Variants in SKAP2 observed in about 807,000 individuals in gnomAD.
SKAP2 encodes src kinase associated phosphoprotein 2.
Under a neutral mutation model 54.9 loss-of-function variants are expected in SKAP2, and 28 were observed. That is an observed-to-expected ratio of 0.51 (90% CI 0.38 to 0.70). The LOEUF (loss-of-function observed/expected upper bound fraction) is 0.70, where lower values mean the gene tolerates loss of function less well. Among genes scored for constraint, SKAP2 ranks in the 30% least tolerant of loss-of-function variants. The pLI is 0.00. For missense variants in SKAP2, 356 were observed against 424.1 expected (o/e 0.84, Z 1.41); for synonymous variants, 137 against 134.3 (o/e 1.02, Z -0.14).
At chr7:26,703,381 T>C (rs1207417386) in intron 9 of SKAP2, among the ~76,000 whole-genome samples, 1 of 152,258 alleles carries the variant, frequency 6.6e-6, no homozygotes, top group Non-Finnish European at 1.5e-5. Context: ...CTATCATTAT[T>C]TGAAGGTAAG....
At chr7:26,803,432 A>G (rs1329547382) in intron 4 of SKAP2, among the ~76,000 whole-genome samples, 1 of 152,244 alleles carries the variant, frequency 6.6e-6, no homozygotes, top group Non-Finnish European at 1.5e-5. Context: ...ATCTCACCCC[A>G]GTTAAAATGG....
At chr7:26,765,153 CTT>C (rs1484830449) in intron 4 of SKAP2, among the ~76,000 whole-genome samples, 1 of 76,010 alleles carries the variant, frequency 1.3e-5, no homozygotes, top group Non-Finnish European at 3.3e-5. Context: ...TGTTTCCTGA[CTT>C]TTTAATGATT....
intron 4 of SKAP2, among the ~76,000 whole-genome samples, chr7:26,814,764 A>T (rs886305918): frequency 6.6e-6 from 1 of 152,114 alleles, no homozygotes; most frequent in Non-Finnish European, 1.5e-5. Flanking sequence ...AAACTTTCTA[A>T]AAGACGTTTA....
Position 26,844,058 on chromosome 7 carries a change from A to G in SKAP2, c.279T>C (p.Tyr93=), listed in dbSNP as rs1396893668. The change falls in exon 4 of 13, where the codon TAT becomes TAC. Residue 93 remains tyrosine, a synonymous_variant. Coordinates refer to ENST00000345317, the MANE Select transcript of SKAP2 (RefSeq NM_003930.5). ...PDTISLASER[Y]DKDDEAPSDG... The stretch of plus-strand genomic sequence containing the variant: ...CAGAGGGGGCTTCATCGTCTTTATC[A>G]TATCGTTCTGAGGCTAATGAAATAG... 5.0e-6 allele frequency: 8 copies of G among 1,611,842 alleles called. No homozygotes were observed. Among genetic ancestry groups the G allele is most frequent in the African/African-American group, 2.7e-5 (2 of 74,832 alleles).
At chr7:26,686,279 C>T (rs1389036211) in intron 10 of SKAP2, among the ~76,000 whole-genome samples, 1 of 151,854 alleles carries the variant, frequency 6.6e-6, no homozygotes, top group Admixed American at 6.6e-5. Flanking sequence ...AGTAAAATCC[C>T]TCTATTAAAT....
chr7:26,692,872 A>C (rs1786814177), intron 9 of SKAP2, among the ~76,000 whole-genome samples: 1 of 152,186 alleles, frequency 6.6e-6, no homozygotes, highest in African/African-American at 2.4e-5. Flanking sequence ...TGAAGGAGAA[A>C]GCTTTCCTTA....
At chr7:26,816,373 C>G (rs989714665) in intron 4 of SKAP2, among the ~76,000 whole-genome samples, 2 of 152,002 alleles carry the variant, frequency 1.3e-5, no homozygotes, top group Admixed American at 1.3e-4. Context: ...GGCCTCCTAT[C>G]ACTTATGAAT....
At chr7:26,766,792 C>T (rs1397791852) in intron 4 of SKAP2, among the ~76,000 whole-genome samples, 4 of 152,164 alleles carry the variant, frequency 2.6e-5, no homozygotes, top group Admixed American at 6.5e-5. Flanking sequence ...ATATGTCAAA[C>T]CAGCCTTGCA....
At chr7:26,689,072 C>T (rs760703282) in intron 10 of SKAP2, among the ~76,000 whole-genome samples, 73 of 152,166 alleles carry the variant, frequency 4.8e-4, no homozygotes, top group Non-Finnish European at 8.7e-4. Context: ...TTTGTAGCAA[C>T]CTACTTCTGC....
chr7:26,678,779 T>C (rs1584325786), intron 11 of SKAP2, among the ~76,000 whole-genome samples: 1 of 152,162 alleles, frequency 6.6e-6, no homozygotes, highest in East Asian at 1.9e-4. Flanking sequence ...TCAATGAACA[T>C]CTGTCACTTA....
chr7:26,748,529 TG>T (rs1782606604), intron 4 of SKAP2, among the ~76,000 whole-genome samples: 2 of 152,120 alleles, frequency 1.3e-5, no homozygotes, highest in Admixed American at 6.6e-5. Flanking sequence ...AATCAAATTT[TG>T]CCTGCCACAT....
At chr7:26,662,704 G>C (rs1786034315), downstream of SKAP2, among the ~76,000 whole-genome samples, 1 of 152,118 alleles carries the variant, frequency 6.6e-6, no homozygotes, top group Admixed American at 6.6e-5. Flanking sequence ...CTGAAGCAAA[G>C]CAACAGAGAG....
At chr7:26,714,276 G>A (rs996193610) in intron 9 of SKAP2, among the ~76,000 whole-genome samples, 3 of 152,100 alleles carry the variant, frequency 2.0e-5, no homozygotes, top group Non-Finnish European at 4.4e-5. Flanking sequence ...CTCAGACCTT[G>A]CAACTGAATG....
intron 4 of SKAP2, among the ~76,000 whole-genome samples, chr7:26,803,441 G>A (rs1249581455): frequency 2.6e-5 from 4 of 152,140 alleles, no homozygotes; most frequent in African/African-American, 9.7e-5. Flanking sequence ...CAGTTAAAAT[G>A]GCTTATATCC....
chr7:26,737,730 G>A (rs1211114129), intron 6 of SKAP2, among the ~76,000 whole-genome samples: 4 of 152,058 alleles, frequency 2.6e-5, no homozygotes, highest in South Asian at 4.1e-4. Flanking sequence ...CTCCTAGCCT[G>A]TTTTCCCCAG....
chr7:26,771,332 A>T (rs1021622684), intron 4 of SKAP2, among the ~76,000 whole-genome samples: 4 of 152,196 alleles, frequency 2.6e-5, no homozygotes, highest in Non-Finnish European at 4.4e-5. Flanking sequence ...AACAAATTTG[A>T]ACTGTTGTCC....
chr7:26,805,383 CCT>C lies in SKAP2; in HGVS notation c.307+38645_307+38646del, dbSNP rs547567103. Among the ~76,000 whole-genome samples the C allele has an allele frequency of 6.0e-4, 92 of 152,296 alleles. 1 individual carries two copies. Among genetic ancestry groups the C allele is most frequent in the African/African-American group, 2.1e-3 (87 of 41,564 alleles). On this transcript the variant is annotated intron_variant, in intron 4 of 12. Coordinates refer to ENST00000345317, the MANE Select transcript of SKAP2 (RefSeq NM_003930.5). ...ATGAGTTCACAAATTCCTTAACACT[CCT>C]CCTTCGAAAGGCAGAGCCTAATCCC...
chr7:26,800,750 G>C (rs1214513700), intron 4 of SKAP2, among the ~76,000 whole-genome samples: 5 of 152,142 alleles, frequency 3.3e-5, no homozygotes, highest in Non-Finnish European at 7.4e-5. Context: ...AAATCTGGAA[G>C]AAATGGACAA....
At chr7:26,746,581 T>C (rs1166124363) in intron 4 of SKAP2, 1 of 151,644 alleles carries the variant, frequency 6.6e-6, no homozygotes, top group Non-Finnish European at 1.5e-5. Context: ...ATGGCACAGG[T>C]TAAAGAAGTC....
Sources: allele counts gnomAD v4.1 joint callset (sites outside exome capture counted in the v4.1 genomes callset), GRCh38; gene constraint gnomAD v4.1.1; transcripts MANE v1.5; gene names NCBI Gene and HGNC (gene_info 2026-07-23, HGNC 2026-07-21).